SLC26A7: variants seen among roughly 807,000 people sequenced by gnomAD.
SLC26A7 encodes the protein anion exchange transporter.
Under a neutral mutation model 82.5 loss-of-function variants are expected in SLC26A7, and 59 were observed. The ratio of observed to expected loss-of-function variants is 0.72; its 90% CI spans 0.58 to 0.89. The LOEUF (loss-of-function observed/expected upper bound fraction) is 0.89. SLC26A7 is among the 40% of genes least tolerant of loss of function. SLC26A7 has a pLI of 0.00. For missense variants in SLC26A7, 820 were observed against 793.0 expected (o/e 1.03, Z -0.41); for synonymous variants, 271 against 274.3 (o/e 0.99, Z 0.12).
In SLC26A7 at chr8:91,318,380, T is replaced by C; in HGVS notation, c.642T>C (p.Tyr214=). The C allele has an allele frequency of 6.9e-6, 11 of 1,598,434 alleles. No individual in the cohort carries two copies. The highest frequency in any genetic ancestry group is 9.4e-6 in the Non-Finnish European group (11 of 1,170,448). ...TATCCGGACCACTTGGATTCTTTTATGTGAGTTTTTCGTATGCTTTCATAC... is the reference window on the plus strand; with the variant it reads ...TATCCGGACCACTTGGATTCTTTTACGTGAGTTTTTCGTATGCTTTCATAC... The part of the protein sequence containing the change: ...PYISGPLGFF[Y]IYAYVFENIK... Residue 214 remains tyrosine (Y), a splice_region_variant and synonymous_variant, in exon 5 of 19, where the codon TAT becomes TAC. Coordinates refer to ENST00000276609, the MANE Select transcript of SLC26A7 (RefSeq NM_052832.4).
intron 9 of SLC26A7, among the ~76,000 whole-genome samples, chr8:91,345,866 GTGTC>G (rs1249083499): frequency 6.6e-6 from 1 of 152,100 alleles, no homozygotes; most frequent in Non-Finnish European, 1.5e-5. Flanking sequence ...TTAATATCGA[GTGTC>G]TGAAAGATAA....
At chr8:91,242,920 C>T (rs1460849354) in intron 2 of SLC26A7, among the ~76,000 whole-genome samples, 1 of 152,078 alleles carries the variant, frequency 6.6e-6, no homozygotes, top group Non-Finnish European at 1.5e-5. Context: ...GATTTTGATA[C>T]AATGAACTAA....
chr8:91,359,045 G>A (rs369141260), intron 11 of SLC26A7, among the ~76,000 whole-genome samples: 5 of 151,978 alleles, frequency 3.3e-5, no homozygotes, highest in African/African-American at 9.7e-5. Flanking sequence ...AAACCTGCAC[G>A]TTGTGCACAT....
chr8:91,335,120 A>C (rs1222472671), intron 6 of SLC26A7, among the ~76,000 whole-genome samples: 1 of 152,180 alleles, frequency 6.6e-6, no homozygotes, highest in Non-Finnish European at 1.5e-5. Flanking sequence ...ACAGTCTACT[A>C]ATTTACTAAA....
chr8:91,229,544 A>G (rs1180961097), intron 2 of SLC26A7, among the ~76,000 whole-genome samples: 2 of 152,164 alleles, frequency 1.3e-5, no homozygotes, highest in Admixed American at 6.5e-5. Flanking sequence ...TCATCAGTCT[A>G]TCTTATTTTT....
At position 91,321,723 on chromosome 8, in the gene SLC26A7, T is replaced by TA. The variant is rs1812795239; in HGVS notation, c.642+3346dup. 4.6e-5 allele frequency among the ~76,000 whole-genome samples: 7 copies of TA among 152,336 alleles called. No homozygotes were observed. The South Asian group carries it at 1.2e-3, about 27-fold the overall frequency. On this transcript the variant is annotated intron_variant, in intron 5 of 18. Coordinates refer to ENST00000276609, the MANE Select transcript of SLC26A7 (RefSeq NM_052832.4). The stretch of plus-strand genomic sequence containing the variant: ...ATCTCTAGATTCATATACTTCTGAT[T>TA]AAACTATCTTTCTTTTAGTATTATG...
rs541866854 is a variant in SLC26A7, at chr8:91,373,448, A to C, written c.1675+3615A>C. On this transcript the variant is annotated intron_variant, in intron 15 of 18. Transcript: ENST00000276609. ...GTGTCGTGAAGGGATGTTGGATTTT[A>C]CTGAATATTTTTTCTGAATTTATTA... Among the ~76,000 whole-genome samples, 5 of 151,864 alleles carry C rather than the reference A, an allele frequency of 3.3e-5. No homozygotes were observed. In the South Asian group the frequency reaches 1.0e-3, roughly 31 times the overall value.
intron 16 of SLC26A7, among the ~76,000 whole-genome samples, chr8:91,390,910 C>T (rs930070868): frequency 6.6e-6 from 1 of 152,182 alleles, no homozygotes; most frequent in Non-Finnish European, 1.5e-5. Context: ...ATTGTCTAAA[C>T]ATGGTTGTTG....
At chr8:91,234,044 T>C (rs186762355) in intron 2 of SLC26A7, among the ~76,000 whole-genome samples, 1 of 152,332 alleles carries the variant, frequency 6.6e-6, no homozygotes, top group East Asian at 1.9e-4. Context: ...GAAACAAGAA[T>C]AGATTTAACA....
Position 91,255,941 on chromosome 8 carries a change from C to G in SLC26A7, c.193+6097C>G, listed in dbSNP as rs185103171. 1.8e-4 allele frequency among the ~76,000 whole-genome samples: 27 copies of G among 152,244 alleles called. No individual in the cohort carries two copies. The East Asian group carries it at 5.0e-3, about 28-fold the overall frequency. ...GTGGTCTATCTTCTGTTTTTACCTG[C>G]TATGAACCATCCCTGCTCTTTTCAG... is the stretch of plus-strand genomic sequence containing the variant. On this transcript the variant is annotated intron_variant, in intron 2 of 18. Transcript: ENST00000276609.
chr8:91,214,967 C>T (rs937534105), intron 1 of SLC26A7, among the ~76,000 whole-genome samples: 1 of 152,036 alleles, frequency 6.6e-6, no homozygotes, highest in African/African-American at 2.4e-5. Context: ...TCCATTGGCT[C>T]ATGGTTCCTT....
chr8:91,322,337 C>T (rs1812815046), intron 5 of SLC26A7, among the ~76,000 whole-genome samples: 1 of 151,990 alleles, frequency 6.6e-6, no homozygotes, highest in Non-Finnish European at 1.5e-5. Context: ...AAATTATAAA[C>T]AGTGTTGCAA....
chr8:91,247,824 C>T (rs1035831408), upstream of SLC26A7, among the ~76,000 whole-genome samples: 1 of 151,886 alleles, frequency 6.6e-6, no homozygotes, highest in East Asian at 1.9e-4. Flanking sequence ...GTTAAGCTTT[C>T]AATTATTTTT....
chr8:91,326,667 A>G (rs974460530), intron 5 of SLC26A7, among the ~76,000 whole-genome samples: 3 of 152,238 alleles, frequency 2.0e-5, no homozygotes, highest in African/African-American at 7.2e-5. Context: ...GAGTTGTCTC[A>G]GAAGTGAGCA....
chr8:91,302,542 G>A (rs1448683), intron 4 of SLC26A7, among the ~76,000 whole-genome samples: 18,526 of 151,794 alleles, frequency 0.12, 1,426 homozygotes, highest in African/African-American at 0.21. Context: ...ATTAGAATAC[G>A]GGCTTTTTAA....
At chr8:91,357,659 G>T (rs1202491061) in intron 11 of SLC26A7, among the ~76,000 whole-genome samples, 1 of 152,132 alleles carries the variant, frequency 6.6e-6, no homozygotes, top group Non-Finnish European at 1.5e-5. Context: ...GAAAACCCTA[G>T]AAGAAAACCT....
intron 2 of SLC26A7, among the ~76,000 whole-genome samples, chr8:91,283,459 T>G (rs769213532): frequency 3.3e-5 from 5 of 152,200 alleles, no homozygotes; most frequent in Non-Finnish European, 5.9e-5. Context: ...TTCATTTTCA[T>G]TGAAAAGGCT....
intron 2 of SLC26A7, among the ~76,000 whole-genome samples, chr8:91,239,894 T>G (rs1051730272): frequency 5.9e-5 from 9 of 152,224 alleles, no homozygotes; most frequent in East Asian, 1.9e-4. Flanking sequence ...CATGGTATTA[T>G]TCCTTTACGT....
At chr8:91,244,693 T>A (rs1225628772), upstream of SLC26A7, among the ~76,000 whole-genome samples, 1 of 151,706 alleles carries the variant, frequency 6.6e-6, no homozygotes, top group African/African-American at 2.4e-5. Context: ...TTATTATTAT[T>A]ATTATTTTGT....
Sources: gnomAD v4.1 joint callset for allele counts (sites outside exome capture counted in the v4.1 genomes callset) on GRCh38, gnomAD v4.1.1 for gene constraint, MANE v1.5 for transcripts, NCBI Gene and HGNC (gene_info 2026-07-23, HGNC 2026-07-21) for gene names.